The following BCAS3 variants were observed in gnomAD, a reference collection of about 807,000 sequenced individuals.
BCAS3 encodes the protein BCAS3 microtubule associated cell migration factor.
BCAS3 carries 53 observed loss-of-function variants against 116.1 expected under a neutral mutation model. The observed-to-expected ratio is 0.46, with a 90% CI of 0.37 to 0.57. The LOEUF (loss-of-function observed/expected upper bound fraction) is 0.57. Among genes scored for constraint, BCAS3 ranks in the 20% least tolerant of loss-of-function variants. BCAS3 has a pLI of 0.00. For synonymous variants in BCAS3, 391 were observed against 408.2 expected, an observed-to-expected ratio of 0.96 and a Z score of 0.51; for missense variants, 917 against 1,165.4, an observed-to-expected ratio of 0.79 and a Z score of 3.10.
intron 22 of BCAS3, among the ~76,000 whole-genome samples, chr17:61,120,665 T>C (rs1023526671): frequency 1.3e-5 from 2 of 152,142 alleles, no homozygotes; most frequent in Admixed American, 6.5e-5. Flanking sequence ...AATCCAGATG[T>C]CATGATACTT....
intron 10 of BCAS3, among the ~76,000 whole-genome samples, chr17:60,895,433 C>T (rs1038243886): frequency 6.6e-6 from 1 of 151,378 alleles, no homozygotes; most frequent in African/African-American, 2.4e-5. Context: ...TTTTGTTTAT[C>T]TGGGTCTTTC....
At position 61,346,317 on chromosome 17, in the gene BCAS3, A is replaced by G. The variant is rs2057502051; in HGVS notation, c.2426-22010A>G. Among the ~76,000 whole-genome samples, 1 of 152,228 alleles carries G rather than the reference A, an allele frequency of 6.6e-6. No homozygotes were observed. Among genetic ancestry groups the G allele is most frequent in the South Asian group, 2.1e-4 (1 of 4,830 alleles). ...CCTTTTATTGTCAGGTCATTTTAGC[A>G]TGATTGAAAAATCAGGAGAAAACTT... is the stretch of plus-strand genomic sequence containing the variant. On this transcript the variant is annotated intron_variant, in intron 22 of 23. Transcript: ENST00000407086. This position sits in a 1 kb window ranked among gnomAD's most constrained non-coding sequence, Gnocchi z 5.4.
chr17:61,289,406 T>C (rs1602442807), intron 22 of BCAS3, among the ~76,000 whole-genome samples: 1 of 152,234 alleles, frequency 6.6e-6, no homozygotes, highest in Admixed American at 6.5e-5. Flanking sequence ...TCCACGTACA[T>C]TACTGCCATG....
intron 14 of BCAS3, among the ~76,000 whole-genome samples, chr17:60,950,543 A>C (rs1382674136): frequency 6.6e-6 from 1 of 152,164 alleles, no homozygotes; most frequent in East Asian, 1.9e-4. Context: ...GCTAGTCTTG[A>C]ACTCCTGGGT....
intron 19 of BCAS3, among the ~76,000 whole-genome samples, chr17:61,044,079 T>C (rs546439185): frequency 9.1e-4 from 139 of 152,116 alleles, no homozygotes; most frequent in Non-Finnish European, 1.6e-3. Flanking sequence ...CTCACATTTA[T>C]TTTGATGTTT....
intron 4 of BCAS3, among the ~76,000 whole-genome samples, chr17:60,705,296 A>T (rs770871133): frequency 6.6e-5 from 10 of 152,176 alleles, no homozygotes; most frequent in Admixed American, 3.3e-4. Context: ...AGGACGGCAG[A>T]TCACCTTAGG....
rs542849689 is a variant in BCAS3 at position 60,981,330 on chromosome 17, A to T, written c.1222-8641A>T. 9.3e-5 allele frequency among the ~76,000 whole-genome samples: 14 copies of T among 150,986 alleles called. No homozygotes were observed. In the South Asian group the frequency reaches 2.7e-3, roughly 30 times the overall value. On this transcript the variant is annotated intron_variant, in intron 14 of 23. Transcript: ENST00000407086. The stretch of plus-strand genomic sequence containing the variant: ...GGTCTCGCTCTGTCACCCAGGCTGG[A>T]GTGCAGTGGCATGATCTTGGCTCAC...
At chr17:60,921,530 G>A (rs1273902559) in intron 12 of BCAS3, among the ~76,000 whole-genome samples, 2 of 148,540 alleles carry the variant, frequency 1.3e-5, no homozygotes, top group East Asian at 2.0e-4. Flanking sequence ...GGAGAATGGC[G>A]TGAACCCGGG....
chr17:60,873,251 G>A (rs1022720868), intron 8 of BCAS3, among the ~76,000 whole-genome samples: 1 of 151,554 alleles, frequency 6.6e-6, no homozygotes, highest in Non-Finnish European at 1.5e-5. Flanking sequence ...TTTTTAACAG[G>A]CCCAGCTAGA....
chr17:60,728,851 T>C (rs2040179508), intron 5 of BCAS3, among the ~76,000 whole-genome samples: 2 of 152,238 alleles, frequency 1.3e-5, no homozygotes, highest in African/African-American at 4.8e-5. Context: ...TTTGGTGATT[T>C]TTACTTGTGT....
chr17:60,916,507 C>T lies in BCAS3; in HGVS notation c.993+5805C>T, dbSNP rs114564973. Reference sequence around the variant, plus strand: ...CCAAGGAAATGACAATAAAAGAAGGCTTAGAACTTCAAAAATGAAAGAACA... The same window carrying T: ...CCAAGGAAATGACAATAAAAGAAGGTTTAGAACTTCAAAAATGAAAGAACA... On this transcript the variant is annotated intron_variant, in intron 12 of 23. Transcript: ENST00000407086. Among the ~76,000 whole-genome samples the T allele has an allele frequency of 5.4e-3, 825 of 152,086 alleles. 9 individuals carry two copies. The highest frequency in any genetic ancestry group is 0.019 in the African/African-American group (779 of 41,486).
chr17:61,159,666 C>A (rs1455062863), intron 22 of BCAS3, among the ~76,000 whole-genome samples: 3 of 152,160 alleles, frequency 2.0e-5, no homozygotes, highest in Admixed American at 6.5e-5. Flanking sequence ...TTTCAGAGGC[C>A]TGGAGAGGCA....
intron 13 of BCAS3, among the ~76,000 whole-genome samples, chr17:60,945,749 C>T (rs1221517114): frequency 6.6e-6 from 1 of 150,930 alleles, no homozygotes; most frequent in Admixed American, 6.6e-5. Flanking sequence ...TGCAGTGAGC[C>T]AAGAATGCAC....
Position 60,850,004 on chromosome 17 carries a change from C to G in BCAS3, c.477-18572C>G, listed in dbSNP as rs529003346. Among the ~76,000 whole-genome samples, 5 of 152,280 alleles carry G rather than the reference C, an allele frequency of 3.3e-5. No individual in the cohort carries two copies. In the South Asian group the frequency reaches 1.0e-3, roughly 32 times the overall value. On this transcript the variant is annotated intron_variant, in intron 7 of 23. Transcript: ENST00000407086. ...AACTTCTGGGCTCAAGCAATCATCT[C>G]ACCTTGGCCTCCAAAAGTGCTGGGA...
intron 22 of BCAS3, among the ~76,000 whole-genome samples, chr17:61,174,812 G>GA (rs1424837223): frequency 6.6e-6 from 1 of 152,220 alleles, no homozygotes; most frequent in Admixed American, 6.5e-5. Flanking sequence ...GAGAAAATGA[G>GA]AAAAAATCTT....
chr17:61,211,540 C>T lies in BCAS3; in HGVS notation c.2425+126976C>T, dbSNP rs1410569706. Among the ~76,000 whole-genome samples, 1 of 152,128 alleles carries T rather than the reference C, an allele frequency of 6.6e-6. No homozygotes were observed. The highest frequency in any genetic ancestry group is 1.5e-5 in the Non-Finnish European group (1 of 68,032). On this transcript the variant is annotated intron_variant, in intron 22 of 23. Coordinates refer to ENST00000407086, the MANE Select transcript of BCAS3 (RefSeq NM_017679.5). This position sits in a 1 kb window ranked among gnomAD's most constrained non-coding sequence, Gnocchi z 4.4. ...TGTTGGCTGAAAAAAGCACTGTCTA[C>T]AACAGCAGAGGTGGCCGAGAAAGGC...
At chr17:60,843,244 G>T (rs1373107208) in intron 7 of BCAS3, among the ~76,000 whole-genome samples, 3 of 146,848 alleles carry the variant, frequency 2.0e-5, no homozygotes, top group Admixed American at 6.7e-5. Context: ...TGAGACAGAG[G>T]CTTGCTCTGT....
chr17:60,913,977 G>A (rs2058650208), intron 12 of BCAS3, among the ~76,000 whole-genome samples: 1 of 152,100 alleles, frequency 6.6e-6, no homozygotes, highest in Non-Finnish European at 1.5e-5. Context: ...TAGCAATGTG[G>A]CAAAATCTCT....
At chr17:61,266,397 G>T in intron 22 of BCAS3, among the ~76,000 whole-genome samples, 1 of 152,184 alleles carries the variant, frequency 6.6e-6, no homozygotes, top group African/African-American at 2.4e-5. Flanking sequence ...GATCTTTCTT[G>T]TATGCTTCTC....
Sources: gnomAD v4.1 joint callset for allele counts (sites outside exome capture counted in the v4.1 genomes callset) on GRCh38, gnomAD v4.1.1 for gene constraint, Gnocchi (gnomAD v3.1) non-coding constraint, MANE v1.5 for transcripts, NCBI Gene and HGNC (gene_info 2026-07-23, HGNC 2026-07-21) for gene names.